Variants in KCNMA1 observed in about 807,000 individuals in gnomAD.
KCNMA1 encodes the protein potassium calcium-activated channel subfamily M alpha 1, also known as Calcium-activated potassium channel subunit alpha-1.
In KCNMA1, 29 loss-of-function variants were observed where a neutral mutation model predicts 140.0. The observed-to-expected ratio is 0.21, with a 90% CI of 0.15 to 0.28. KCNMA1 has a LOEUF of 0.28. Among genes scored for constraint, KCNMA1 ranks in the 10% least tolerant of loss-of-function variants. The pLI, the probability that KCNMA1 is intolerant of heterozygous loss-of-function variation, is 1.00. For synonymous variants in KCNMA1, 612 were observed against 611.9 expected (o/e 1.00, Z 0.00); for missense variants, 880 against 1,602.2 (o/e 0.55, Z 7.70).
chr10:77,233,189 C>T (rs2054196919), intron 3 of KCNMA1, among the ~76,000 whole-genome samples: 1 of 152,172 alleles, frequency 6.6e-6, no homozygotes, highest in Admixed American at 6.5e-5. Context: ...ACTATAAAAA[C>T]TGGATGTATT....
At chr10:77,318,555 C>T (rs1245767810) in intron 2 of KCNMA1, among the ~76,000 whole-genome samples, 2 of 152,168 alleles carry the variant, frequency 1.3e-5, no homozygotes, top group East Asian at 3.9e-4. Flanking sequence ...CACTCATAGG[C>T]AAGCTTACAG....
chr10:77,524,488 C>T (rs2054800949), intron 1 of KCNMA1, among the ~76,000 whole-genome samples: 1 of 152,170 alleles, frequency 6.6e-6, no homozygotes. Flanking sequence ...AGAATATTCC[C>T]TTCTCCTCTG....
chr10:77,063,711 T>A, intron 14 of KCNMA1: 1 of 983,826 alleles, frequency 1.0e-6, no homozygotes, highest in South Asian at 4.7e-5. Flanking sequence ...ATGGCTTACA[T>A]AGGACTTTGC....
chr10:77,097,677 A>G (rs980879670), intron 9 of KCNMA1, among the ~76,000 whole-genome samples: 5 of 152,192 alleles, frequency 3.3e-5, no homozygotes, highest in African/African-American at 1.2e-4. Flanking sequence ...CCAAACCCTG[A>G]CTATCACCAT....
chr10:77,167,156 A>G (rs1597694639), intron 5 of KCNMA1, among the ~76,000 whole-genome samples: 3 of 151,766 alleles, frequency 2.0e-5, no homozygotes, highest in South Asian at 4.2e-4. Context: ...TCAGATAACT[A>G]CCAATCTACT....
intron 29 of KCNMA1, among the ~76,000 whole-genome samples, chr10:76,879,167 C>T (rs940877961): frequency 6.6e-6 from 1 of 152,102 alleles, no homozygotes; most frequent in Admixed American, 6.5e-5. Context: ...CATGACCACT[C>T]TGCTTGTTTC....
chr10:77,035,869 T>C (rs2094293428), intron 15 of KCNMA1, among the ~76,000 whole-genome samples: 1 of 152,170 alleles, frequency 6.6e-6, no homozygotes, highest in Non-Finnish European at 1.5e-5. Flanking sequence ...AGAAGGAGAT[T>C]GGAGTAAGCA....
At chr10:77,454,558 C>T (rs181885372) in intron 1 of KCNMA1, among the ~76,000 whole-genome samples, 1 of 152,148 alleles carries the variant, frequency 6.6e-6, no homozygotes, top group Non-Finnish European at 1.5e-5. Context: ...AGCCACCTGA[C>T]CCCCTTTCAC....
At chr10:77,535,071 T>C (rs900102317) in intron 1 of KCNMA1, among the ~76,000 whole-genome samples, 1 of 152,238 alleles carries the variant, frequency 6.6e-6, no homozygotes, top group Non-Finnish European at 1.5e-5. Flanking sequence ...TGCCAATCTT[T>C]ACATGAATAT....
At chr10:76,914,000 A>G in intron 24 of KCNMA1, 1 of 1,315,156 alleles carries the variant, frequency 7.6e-7, no homozygotes, top group Non-Finnish European at 1.1e-6. Context: ...GATAGTTGGA[A>G]ACACCAACAA....
At chr10:77,354,055 C>T (rs1011431538) in intron 2 of KCNMA1, among the ~76,000 whole-genome samples, 4 of 151,486 alleles carry the variant, frequency 2.6e-5, no homozygotes, top group South Asian at 2.1e-4. Context: ...GGTGCAATCT[C>T]GGCTAACTGC....
chr10:77,520,217 G>A (rs2052721737), intron 1 of KCNMA1, among the ~76,000 whole-genome samples: 1 of 151,618 alleles, frequency 6.6e-6, no homozygotes, highest in Non-Finnish European at 1.5e-5. Context: ...GAGGTCTGGG[G>A]TATGCAGTGT....
intron 1 of KCNMA1, among the ~76,000 whole-genome samples, chr10:77,492,687 C>T (rs1321434570): frequency 2.0e-5 from 3 of 152,164 alleles, no homozygotes; most frequent in Admixed American, 6.5e-5. Context: ...TGGACAAGTT[C>T]GTCAGTCTGT....
Position 77,290,748 on chromosome 10 carries a change from T to TGACTGCTTTTGAAGGGCAGGAGACAGAAA in KCNMA1, c.541-39521_541-39493dup, listed in dbSNP as rs2072935813. Among the ~76,000 whole-genome samples the TGACTGCTTTTGAAGGGCAGGAGACAGAAA allele has an allele frequency of 2.0e-5, 3 of 152,130 alleles. No homozygotes were observed. The South Asian group carries it at 6.2e-4, about 32-fold the overall frequency. Reference sequence around the variant, plus strand: ...GTACCTCTGAAAAAAACAAACACAATGACTGCTTTTGAAGGGCAGGAGACA... The same window carrying TGACTGCTTTTGAAGGGCAGGAGACAGAAA: ...GTACCTCTGAAAAAAACAAACACAATGACTGCTTTTGAAGGGCAGGAGACAGAAAGACTGCTTTTGAAGGGCAGGAGACA... On this transcript the variant is annotated intron_variant, in intron 2 of 27. Coordinates refer to ENST00000286628, the MANE Select transcript of KCNMA1 (RefSeq NM_001161352.2).
intron 1 of KCNMA1, among the ~76,000 whole-genome samples, chr10:77,541,511 C>T (rs1416100334): frequency 6.6e-6 from 1 of 151,990 alleles, no homozygotes; most frequent in Admixed American, 6.6e-5. Context: ...GCAGCAGGGG[C>T]AGAAAAAGGA....
intron 2 of KCNMA1, among the ~76,000 whole-genome samples, chr10:77,316,931 C>T (rs192441960): frequency 1.6e-4 from 25 of 152,270 alleles, no homozygotes; most frequent in Middle Eastern, 3.4e-3. Context: ...TCTAGCCCTG[C>T]GACCCTGACT....
chr10:77,480,992 C>A (rs976941422), intron 1 of KCNMA1, among the ~76,000 whole-genome samples: 2 of 150,012 alleles, frequency 1.3e-5, no homozygotes, highest in African/African-American at 4.9e-5. Context: ...TAGTGGCGGG[C>A]GCCTGTAATC....
rs1294583075 is a variant in KCNMA1, at chr10:77,495,266, G to A, written c.379-91243C>T. On this transcript the variant is annotated intron_variant, in intron 1 of 27. Coordinates refer to ENST00000286628, the MANE Select transcript of KCNMA1 (RefSeq NM_001161352.2). ...GGAGCTTCCCGGTTCCAGCCCCCAC[G>A]TTACCCCAGCCCAGGCCTTTGTGGC... Among the ~76,000 whole-genome samples the A allele has an allele frequency of 3.3e-5, 5 of 152,152 alleles. No homozygotes were observed. In the East Asian group the frequency reaches 9.6e-4, roughly 29 times the overall value.
At chr10:76,971,378 T>C (rs766414028) in intron 19 of KCNMA1, among the ~76,000 whole-genome samples, 2 of 152,170 alleles carry the variant, frequency 1.3e-5, no homozygotes, top group Non-Finnish European at 2.9e-5. Context: ...CATTATATGG[T>C]ACTTCCCTGA....
Sources: allele counts gnomAD v4.1 joint callset (sites outside exome capture counted in the v4.1 genomes callset), GRCh38; gene constraint gnomAD v4.1.1; transcripts MANE v1.5; gene names NCBI Gene and HGNC (gene_info 2026-07-23, HGNC 2026-07-21).